Variants in SLC25A24 observed in about 807,000 individuals in gnomAD.
The protein encoded by SLC25A24 is mitochondrial adenyl nucleotide antiporter SLC25A24.
Under a neutral mutation model 60.7 loss-of-function variants are expected in SLC25A24, and 49 were observed. The observed-to-expected ratio is 0.81, with a 90% confidence interval of 0.64 to 1.02. The LOEUF is 1.02. Among genes scored for constraint, SLC25A24 ranks in the 50% least tolerant of loss-of-function variants. The pLI is 0.00. For synonymous variants in SLC25A24, 202 were observed against 200.6 expected (o/e 1.01, Z -0.06); for missense variants, 564 against 586.3 (o/e 0.96, Z 0.39).
Position 108,200,157 on chromosome 1 carries a change from G to T in SLC25A24, c.-19C>A, listed in dbSNP as rs1407394156. On this transcript the variant is annotated 5_prime_UTR_variant, in exon 1 of 10. Coordinates refer to ENST00000565488, the MANE Select transcript of SLC25A24 (RefSeq NM_013386.5). ...GCAACATGGTCCCAGAGGCGCAGGC[G>T]GCCTGGCCGAGGAAGTCACGGGAGA... 7.8e-6 allele frequency: 12 copies of T among 1,537,588 alleles called. No individual in the cohort carries two copies. Among genetic ancestry groups the T allele is most frequent in the Non-Finnish European group, 1.0e-5 (12 of 1,144,806 alleles).
intron 1 of SLC25A24, among the ~76,000 whole-genome samples, chr1:108,186,329 G>A (rs1187042046): frequency 1.3e-5 from 2 of 152,102 alleles, no homozygotes; most frequent in African/African-American, 4.8e-5. Flanking sequence ...GGCTGATGGG[G>A]GAGGATCACT....
chr1:108,149,220 A>G (rs536827081), intron 6 of SLC25A24, among the ~76,000 whole-genome samples: 2 of 152,362 alleles, frequency 1.3e-5, no homozygotes, highest in East Asian at 3.9e-4. Flanking sequence ...ATACTAACCT[A>G]TCAAGCCCAG....
rs1558015401 is a variant in SLC25A24, at chr1:108,161,236, T to C, written c.456A>G (p.Leu152=). 6.2e-7 allele frequency: 1 copy of C among 1,604,622 alleles called. No homozygotes were observed. The highest frequency in any genetic ancestry group is 8.5e-7 in the Non-Finnish European group (1 of 1,171,946). ...CCTCAATGTCTGTAACAGGATTAAA[T>C]AAGAAGTAGTCTCTCCATTCATTCC... ...VDWNEWRDYF[L]FNPVTDIEEI... Residue 152 remains leucine, a synonymous_variant, in exon 4 of 10, where the codon TTA becomes TTG. Coordinates refer to ENST00000565488, the MANE Select transcript of SLC25A24 (RefSeq NM_013386.5).
rs986468950 is a variant in SLC25A24, at chr1:108,191,566, G to A, written c.184-5612C>T. 9.3e-5 allele frequency among the ~76,000 whole-genome samples: 13 copies of A among 140,300 alleles called. 2 individuals carry two copies. Among genetic ancestry groups the A allele is most frequent in the Non-Finnish European group, 1.9e-4 (12 of 64,058 alleles). The allele number at this position is 140,300 out of a possible 152,430, so 92.0% of individuals were successfully genotyped here. A position where few individuals can be genotyped will look rare whatever the true frequency, so the allele number is the denominator to read the frequency against. ...AGTCCAGGCCTCTGATATAACAGAT[G>A]AGGATACCAGGGTATGGGGCTTGGA... On this transcript the variant is annotated intron_variant, in intron 1 of 9. Coordinates refer to ENST00000565488, the MANE Select transcript of SLC25A24 (RefSeq NM_013386.5).
At chr1:108,146,987 T>C (rs960190902) in intron 7 of SLC25A24, among the ~76,000 whole-genome samples, 1 of 152,222 alleles carries the variant, frequency 6.6e-6, no homozygotes, top group African/African-American at 2.4e-5. Context: ...TCAGAAGGAA[T>C]GGCATCAGCT....
intron 1 of SLC25A24, among the ~76,000 whole-genome samples, chr1:108,192,160 C>A (rs1202446582): frequency 7.2e-6 from 1 of 138,346 alleles, no homozygotes; most frequent in South Asian, 2.9e-4. Context: ...CTGGGGAGGG[C>A]GCATCTTTAG....
chr1:108,154,950 T>G, intron 6 of SLC25A24, 33 bp downstream of exon 6: 1 of 1,534,704 alleles, frequency 6.5e-7, no homozygotes, highest in African/African-American at 1.4e-5. Context: ...TAACTCCTCT[T>G]TGTTAATAAA....
intron 3 of SLC25A24, among the ~76,000 whole-genome samples, chr1:108,169,132 G>A (rs1303808085): frequency 6.6e-6 from 1 of 152,124 alleles, no homozygotes; most frequent in African/African-American, 2.4e-5. Flanking sequence ...ATATGGATGG[G>A]TCTGTTTCTG....
At chr1:108,157,916 A>G (rs2119344) in intron 4 of SLC25A24, among the ~76,000 whole-genome samples, 76,881 of 151,768 alleles carry the variant, frequency 0.51, 20,111 homozygotes, top group African/African-American at 0.63. Flanking sequence ...GTCTAGGTTA[A>G]AATGAAAGGG....
chr1:108,136,892 A>T lies in SLC25A24; in HGVS notation c.1250-55T>A. ...TATTCAAGTATGTTTCATTATTATG[A>T]CAACAAACAATTATGACCCAGAATG... On this transcript the variant is annotated intron_variant, in intron 9 of 9. Transcript: ENST00000565488. 2.0e-6 allele frequency: 3 copies of T among 1,472,540 alleles called. No homozygotes were observed. The East Asian group carries it at 6.9e-5, about 34-fold the overall frequency. The allele number at this position is 1,472,540 out of a possible 1,614,324, so 91.2% of individuals were successfully genotyped here. A position where few individuals can be genotyped will look rare whatever the true frequency, so the allele number is the denominator to read the frequency against.
Position 108,157,525 on chromosome 1 carries a change from GC to G in SLC25A24, c.605del (p.Gly202AlafsTer17). 10 of 1,614,156 alleles carry G rather than the reference GC, an allele frequency of 6.2e-6. No individual in the cohort carries two copies. Among genetic ancestry groups the G allele is most frequent in the Non-Finnish European group, 7.6e-6 (9 of 1,180,018 alleles). On this transcript the variant is annotated frameshift_variant, in exon 5 of 10. Transcript: ENST00000565488. LOFTEE classifies it high-confidence loss of function. The stretch of plus-strand genomic sequence containing the variant: ...TTGTTCGAGAGACAGCACCAGCAAT[GC>G]CTCCTGCCAAAAGCTGCCTCCACCA... ...GQWWRQLLAG[G>X]IAGAVSRTST...
chr1:108,182,919 A>G (rs995593564), intron 2 of SLC25A24, among the ~76,000 whole-genome samples: 2 of 152,110 alleles, frequency 1.3e-5, no homozygotes, highest in Admixed American at 6.6e-5. Flanking sequence ...AATTTTTAAT[A>G]CTAGGGAAAT....
chr1:108,191,336 G>C (rs1648338440), intron 1 of SLC25A24, among the ~76,000 whole-genome samples: 1 of 139,026 alleles, frequency 7.2e-6, no homozygotes, highest in Admixed American at 8.1e-5. Context: ...TACCATATTG[G>C]CCAGGCTGGT....
At chr1:108,152,777 T>A (rs544341231) in intron 6 of SLC25A24, among the ~76,000 whole-genome samples, 1 of 152,168 alleles carries the variant, frequency 6.6e-6, no homozygotes, top group Non-Finnish European at 1.5e-5. Flanking sequence ...AAGTAGCTAC[T>A]GCCTAAGGAA....
chr1:108,185,018 G>A (rs979301270), intron 2 of SLC25A24, among the ~76,000 whole-genome samples: 5 of 152,110 alleles, frequency 3.3e-5, no homozygotes, highest in Non-Finnish European at 5.9e-5. Context: ...AATTAGATAA[G>A]GTCTTCAGAG....
chr1:108,138,944 G>A lies in SLC25A24; in HGVS notation c.1249+114C>T, dbSNP rs1679365603. 7 of 1,088,334 alleles carry A rather than the reference G, an allele frequency of 6.4e-6. No homozygotes were observed. In the East Asian group the frequency reaches 1.6e-4, roughly 26 times the overall value. 67.4% of individuals were successfully genotyped at this position (1,088,334 alleles called of 1,614,324 possible). On this transcript the variant is annotated intron_variant, in intron 9 of 9. Transcript: ENST00000565488. Reference sequence around the variant, plus strand: ...TTAAGGAGGCAATAATGAAAAAAAGGTTGAGAAATACTGTCTTAAAACTAC... The same window carrying A: ...TTAAGGAGGCAATAATGAAAAAAAGATTGAGAAATACTGTCTTAAAACTAC...
At chr1:108,174,640 C>T (rs1483378693) in intron 3 of SLC25A24, among the ~76,000 whole-genome samples, 2 of 152,108 alleles carry the variant, frequency 1.3e-5, no homozygotes, top group Non-Finnish European at 2.9e-5. Flanking sequence ...CAGCTTGCAC[C>T]ATGCACCTGG....
At chr1:108,177,131 G>A (rs551579106) in intron 3 of SLC25A24, among the ~76,000 whole-genome samples, 60 of 152,118 alleles carry the variant, frequency 3.9e-4, no homozygotes, top group Non-Finnish European at 6.5e-4. Context: ...TTAAGTAAAA[G>A]TGTAGATTTT....
rs146726266 is a variant in SLC25A24, at chr1:108,192,463, C to T, written c.184-6509G>A. On this transcript the variant is annotated intron_variant, in intron 1 of 9. Transcript: ENST00000565488. ...GCCTCTCCAGGGCTCCCAGCCCCAA[C>T]GTCTCTCTGATTACAGCCCCAGTGA... The T allele has an allele frequency of 4.6e-4, 646 of 1,418,840 alleles. 66 individuals are homozygous for T. The African/African-American group carries it at 7.1e-3, about 16-fold the overall frequency. 87.9% of individuals were successfully genotyped at this position (1,418,840 alleles called of 1,614,324 possible).
Sources: gnomAD v4.1 joint callset for allele counts (sites outside exome capture counted in the v4.1 genomes callset) on GRCh38, gnomAD v4.1.1 for gene constraint, MANE v1.5 for transcripts, NCBI Gene and HGNC (gene_info 2026-07-23, HGNC 2026-07-21) for gene names.